Variants in GOLT1B observed in about 807,000 individuals in gnomAD.
GOLT1B encodes golgi transport 1B, also known as vesicle transport protein GOT1B.
In GOLT1B, 3 loss-of-function variants were observed where a neutral mutation model predicts 15.4. The ratio of observed to expected loss-of-function variants is 0.19; its 90% CI spans 0.09 to 0.50. GOLT1B has a LOEUF of 0.50. Among genes scored for constraint, GOLT1B ranks in the 20% least tolerant of loss-of-function variants. GOLT1B has a pLI of 0.97. For missense variants in GOLT1B, 145 were observed against 160.4 expected (o/e 0.90, Z 0.52); for synonymous variants, 65 against 56.2 (o/e 1.16, Z -0.70).
At chr12:21,504,100 C>A (rs111936695) in intron 1 of GOLT1B, among the ~76,000 whole-genome samples, 2,842 of 152,254 alleles carry the variant, frequency 0.019, 113 homozygotes, top group African/African-American at 0.062. Flanking sequence ...ACAGTGTTTG[C>A]CATTAGATTA....
chr12:21,508,919 A>AGATAGATAGATAGATC (rs1555149887), intron 3 of GOLT1B, among the ~76,000 whole-genome samples: 6,131 of 151,364 alleles, frequency 0.041, 187 homozygotes, highest in East Asian at 0.11. Flanking sequence ...ATAGATAGAT[A>AGATAGATAGATAGATC]GATCCAGCAT....
rs1943768032 is a variant in GOLT1B, at chr12:21,517,952, C to T, written c.*2245C>T. ...TAGAGATGGAGGAAAAGGTCTAATA[C>T]TACATAGCCTTAAGTGTTTCTGTCA... is the stretch of plus-strand genomic sequence containing the variant. On this transcript the variant is annotated 3_prime_UTR_variant, in exon 5 of 5. Coordinates refer to ENST00000229314, the MANE Select transcript of GOLT1B (RefSeq NM_016072.5). 1 of 152,526 alleles carries T rather than the reference C, an allele frequency of 6.6e-6. No homozygotes were observed. The highest frequency in any genetic ancestry group is 1.5e-5 in the Non-Finnish European group (1 of 67,964). 9.4% of individuals were successfully genotyped at this position (152,526 alleles called of 1,614,324 possible).
intron 2 of GOLT1B, chr12:21,507,998 G>A (rs1387854476): frequency 2.2e-6 from 1 of 449,332 alleles, no homozygotes; most frequent in Non-Finnish European, 4.4e-6. Context: ...ACCCTTGGGT[G>A]ACATATTTAT....
intron 1 of GOLT1B, among the ~76,000 whole-genome samples, chr12:21,505,375 A>G (rs768351808): frequency 2.0e-5 from 3 of 152,190 alleles, no homozygotes; most frequent in Non-Finnish European, 2.9e-5. Context: ...TCTTTTGTCC[A>G]TATTTTCCTC....
Position 21,512,286 on chromosome 12 carries a change from C to G in GOLT1B, c.297-9C>G. On this transcript the variant is annotated splice_polypyrimidine_tract_variant and intron_variant, in intron 3 of 4. Coordinates refer to ENST00000229314, the MANE Select transcript of GOLT1B (RefSeq NM_016072.5). Reference sequence around the variant, plus strand: ...TAAATATTAAGAACCTTTTTTTTCCCTCTCCCAGGGGCTTCTTTCCTGTCG... The same window carrying G: ...TAAATATTAAGAACCTTTTTTTTCCGTCTCCCAGGGGCTTCTTTCCTGTCG... 2.1e-6 allele frequency: 3 copies of G among 1,426,564 alleles called. No homozygotes were observed. Among genetic ancestry groups the G allele is most frequent in the East Asian group, 2.3e-5 (1 of 43,814 alleles). The allele number at this position is 1,426,564 out of a possible 1,614,324, so 88.4% of individuals were successfully genotyped here. A position where few individuals can be genotyped will look rare whatever the true frequency, so the allele number is the denominator to read the frequency against.
In GOLT1B at chr12:21,516,608, T is replaced by G. The variant is rs973231967; in HGVS notation, c.*901T>G. Reference sequence around the variant, plus strand: ...TGTAATTTTTCTTTCTTCTTTCTTTTTTTTAAATTTTAGCAGTGGCTTATT... The same window carrying G: ...TGTAATTTTTCTTTCTTCTTTCTTTGTTTTAAATTTTAGCAGTGGCTTATT... On this transcript the variant is annotated 3_prime_UTR_variant, in exon 5 of 5. Transcript: ENST00000229314. 5 of 152,140 alleles carry G rather than the reference T, an allele frequency of 3.3e-5. No individual in the cohort carries two copies. Among genetic ancestry groups the G allele is most frequent in the Admixed American group, 2.6e-4 (4 of 15,278 alleles). The allele number at this position is 152,140 out of a possible 1,614,324, so 9.4% of individuals were successfully genotyped here. A position where few individuals can be genotyped will look rare whatever the true frequency, so the allele number is the denominator to read the frequency against.
At chr12:21,508,350 C>T in intron 2 of GOLT1B, 33 bp from the exon 3 acceptor site, 1 of 1,331,264 alleles carries the variant, frequency 7.5e-7, no homozygotes, top group Non-Finnish European at 1.0e-6. Context: ...TGTTTAATTA[C>T]CTTTTCCGTG....
At chr12:21,508,889 G>GTAGGTAGATAGATAGATAGATAGA (rs71962761) in intron 3 of GOLT1B, among the ~76,000 whole-genome samples, 1 of 65,292 alleles carries the variant, frequency 1.5e-5, no homozygotes, top group African/African-American at 3.4e-5. Context: ...AGGTAGGTAG[G>GTAGGTAGATAGATAGATAGATAGA]TAGATAGATA....
At position 21,508,391 on chromosome 12, in the gene GOLT1B, T is replaced by C. The variant is rs769778292; in HGVS notation, c.126T>C (p.Phe42=). Residue 42 remains phenylalanine, a synonymous_variant, in exon 3 of 5, where the codon TTT becomes TTC. Coordinates refer to ENST00000229314, the MANE Select transcript of GOLT1B (RefSeq NM_016072.5). ...KALLAIGNVL[F]VAGLAFVIGL... is the part of the protein sequence containing the mutation. ...TTTTCTTTCTCTTTTAGGTTTTATT[T>C]GTAGCCGGCTTGGCTTTTGTAATTG... 24 of 1,558,056 alleles carry C rather than the reference T, an allele frequency of 1.5e-5. No individual in the cohort carries two copies. The highest frequency in any genetic ancestry group is 6.0e-5 in the Admixed American group (3 of 50,294).
rs1943705381 is a variant in GOLT1B, at chr12:21,509,566, T to C, written c.296+1005T>C. Among the ~76,000 whole-genome samples, 3 of 152,074 alleles carry C rather than the reference T, an allele frequency of 2.0e-5. No individual in the cohort carries two copies. In the South Asian group the frequency reaches 6.2e-4, roughly 31 times the overall value. The stretch of plus-strand genomic sequence containing the variant: ...TAAGTACCAAATCTGCTTTAGAAAA[T>C]CTCTCATTTCTATTATGGAAAGTAG... On this transcript the variant is annotated intron_variant, in intron 3 of 4. Transcript: ENST00000229314.
At chr12:21,507,016 A>G (rs17627561) in intron 2 of GOLT1B, 40 bp downstream of exon 2, 26,067 of 794,950 alleles carry the variant, frequency 0.033, 504 homozygotes, top group Non-Finnish European at 0.041. Flanking sequence ...ATTTATAAGG[A>G]AATTTTAACT....
At chr12:21,505,425 A>T (rs1943672190) in intron 1 of GOLT1B, among the ~76,000 whole-genome samples, 1 of 152,124 alleles carries the variant, frequency 6.6e-6, no homozygotes. Flanking sequence ...TAATTTGGTA[A>T]ATTCTCTTAA....
At chr12:21,508,599 G>C in intron 3 of GOLT1B, 38 bp downstream of exon 3, 2 of 988,260 alleles carry the variant, frequency 2.0e-6, no homozygotes, top group Non-Finnish European at 1.6e-6. Context: ...AAATCAGTGT[G>C]TCAGATAGTT....
chr12:21,515,719 T>A lies in GOLT1B; in HGVS notation c.*12T>A. 1 of 1,145,364 alleles carries A rather than the reference T, an allele frequency of 8.7e-7. No individual in the cohort carries two copies. Among genetic ancestry groups the A allele is most frequent in the Non-Finnish European group, 1.3e-6 (1 of 767,696 alleles). The allele number at this position is 1,145,364 out of a possible 1,614,324, so 71.0% of individuals were successfully genotyped here. On this transcript the variant is annotated 3_prime_UTR_variant, in exon 5 of 5. Coordinates refer to ENST00000229314, the MANE Select transcript of GOLT1B (RefSeq NM_016072.5). Reference sequence around the variant, plus strand: ...ACAATATGGTATAACAACAAGTGAATTTGAAGACTCATTTAAAATATTGTG... The same window carrying A: ...ACAATATGGTATAACAACAAGTGAAATTGAAGACTCATTTAAAATATTGTG...
chr12:21,513,365 TAGA>T (rs1260922990), intron 4 of GOLT1B, among the ~76,000 whole-genome samples: 2 of 152,206 alleles, frequency 1.3e-5, no homozygotes, highest in Non-Finnish European at 2.9e-5. Context: ...GGTGGAGTCT[TAGA>T]AGGCCATTCA....
rs1039234752 is a variant in GOLT1B, at chr12:21,505,317, A to G, written c.26-1568A>G. On this transcript the variant is annotated intron_variant, in intron 1 of 4. Transcript: ENST00000229314. ...TCATCTTCAACTAACAAAGCTGCCG[A>G]TGTTTAATCCTAACTACTAAATAGT... Among the ~76,000 whole-genome samples the G allele has an allele frequency of 1.6e-4, 24 of 152,206 alleles. 1 individual carries two copies. Among genetic ancestry groups the G allele is most frequent in the Non-Finnish European group, 2.5e-4 (17 of 68,022 alleles).
intron 1 of GOLT1B, among the ~76,000 whole-genome samples, chr12:21,506,570 G>GA (rs1399208906): frequency 6.6e-6 from 1 of 151,644 alleles, no homozygotes; most frequent in Non-Finnish European, 1.5e-5. Context: ...TTTTCAGGAG[G>GA]AAAAAAACAA....
At chr12:21,505,781 A>G (rs1263499903) in intron 1 of GOLT1B, among the ~76,000 whole-genome samples, 2 of 152,184 alleles carry the variant, frequency 1.3e-5, no homozygotes, top group African/African-American at 4.8e-5. Context: ...TTCTAAAAAT[A>G]CGGTGGCTTC....
intron 3 of GOLT1B, among the ~76,000 whole-genome samples, chr12:21,508,786 T>G (rs1408305783): frequency 6.6e-6 from 1 of 152,180 alleles, no homozygotes; most frequent in Non-Finnish European, 1.5e-5. Context: ...CACAATAAAG[T>G]TTATTTTATT....
Sources: allele counts gnomAD v4.1 joint callset (sites outside exome capture counted in the v4.1 genomes callset), GRCh38; gene constraint gnomAD v4.1.1; transcripts MANE v1.5; gene names NCBI Gene and HGNC (gene_info 2026-07-23, HGNC 2026-07-21).